ARHGAP17: variants seen among roughly 807,000 people sequenced by gnomAD.
ARHGAP17 encodes the protein rho GTPase-activating protein 17.
In ARHGAP17, 57 loss-of-function variants were observed where a neutral mutation model predicts 99.5. The observed-to-expected ratio is 0.57, with a 90% confidence interval of 0.46 to 0.71. The LOEUF (loss-of-function observed/expected upper bound fraction) is 0.71, where lower values mean the gene tolerates loss of function less well. ARHGAP17 is among the 30% of genes least tolerant of loss of function. ARHGAP17 has a pLI of 0.00. For synonymous variants in ARHGAP17, 417 were observed against 429.6 expected (o/e 0.97, Z 0.36); for missense variants, 1,000 against 1,122.4 (o/e 0.89, Z 1.56).
chr16:24,975,009 C>G (rs2052473217), intron 3 of ARHGAP17, among the ~76,000 whole-genome samples: 1 of 152,124 alleles, frequency 6.6e-6, no homozygotes, highest in South Asian at 2.1e-4. Context: ...AAACAATTAG[C>G]CAGGCTTGGT....
intron 6 of ARHGAP17, among the ~76,000 whole-genome samples, chr16:24,965,841 G>A (rs13330152): frequency 0.032 from 4,913 of 152,312 alleles, 277 homozygotes; most frequent in African/African-American, 0.11. Flanking sequence ...GTGTGCATGT[G>A]CACAGCATAT....
chr16:24,979,704 T>TTTATTATTATTA (rs532237734), intron 1 of ARHGAP17, among the ~76,000 whole-genome samples: 2,845 of 150,574 alleles, frequency 0.019, 73 homozygotes, highest in African/African-American at 0.061. Flanking sequence ...TAATTTTTAT[T>TTTATTATTATTA]TTATTATTAT....
At chr16:24,978,207 T>C (rs2052574283) in intron 2 of ARHGAP17, among the ~76,000 whole-genome samples, 1 of 152,190 alleles carries the variant, frequency 6.6e-6, no homozygotes. Context: ...AATTCCATGA[T>C]TTAATTTTGA....
chr16:25,003,899 A>C (rs1359607996), intron 1 of ARHGAP17, among the ~76,000 whole-genome samples: 3 of 152,226 alleles, frequency 2.0e-5, no homozygotes, highest in Non-Finnish European at 4.4e-5. Context: ...GTGAATTTAA[A>C]TACTACAAAT....
In ARHGAP17 at chr16:24,954,712, G is replaced by C; in HGVS notation, c.743C>G (p.Pro248Arg). 2 of 1,613,780 alleles carry C rather than the reference G, an allele frequency of 1.2e-6. No individual in the cohort carries two copies. The highest frequency in any genetic ancestry group is 1.7e-6 in the Non-Finnish European group (2 of 1,179,840). The change falls in exon 10 of 20, where the codon CCA becomes CGA. Residue 248 changes from proline to arginine, a missense_variant. Around this residue, in one of 2 missense-constraint regions of ARHGAP17, gnomAD observed 472 missense variants for 611.1 expected, o/e 0.77. Coordinates refer to ENST00000289968, the MANE Select transcript of ARHGAP17 (RefSeq NM_001006634.3). Reference protein sequence around the residue: ...RAHQDKWAEKPAFGTPLEEHL... With the variant: ...RAHQDKWAEKRAFGTPLEEHL... ...TTCTTCTAGGGGAGTCCCAAAGGCTGGTTTTTCCGCCCACTTATCTAGAGC... is the reference window on the plus strand; with the variant it reads ...TTCTTCTAGGGGAGTCCCAAAGGCTCGTTTTTCCGCCCACTTATCTAGAGC...
chr16:24,984,619 G>A lies in ARHGAP17; in HGVS notation c.54-5614C>T, dbSNP rs376613690. On this transcript the variant is annotated intron_variant, in intron 1 of 19. Transcript: ENST00000289968. Reference sequence around the variant, plus strand: ...TGCAGTGAGCTGAGATTGAAATTGCGCCACTGCACTCCAGCCTGGGCGACA... The same window carrying A: ...TGCAGTGAGCTGAGATTGAAATTGCACCACTGCACTCCAGCCTGGGCGACA... Among the ~76,000 whole-genome samples the A allele has an allele frequency of 5.3e-5, 8 of 151,546 alleles. No individual in the cohort carries two copies. The East Asian group carries it at 9.7e-4, about 18-fold the overall frequency.
chr16:24,949,575 C>A, intron 12 of ARHGAP17, 91 bp from the exon 13 acceptor site: 1 of 1,078,580 alleles, frequency 9.3e-7, no homozygotes, highest in South Asian at 1.4e-5. Context: ...TCCATTTTGA[C>A]AGAGAAAGCA....
intron 19 of ARHGAP17, chr16:24,929,521 G>T: frequency 2.2e-6 from 2 of 903,936 alleles, no homozygotes; most frequent in Non-Finnish European, 2.6e-6. Flanking sequence ...CTGAGCACAT[G>T]GTCAAAAGCA....
intron 1 of ARHGAP17, 60 bp downstream of exon 1, chr16:25,015,149 G>GCCCTCCGCCCTCCGCCCCCCCGCCCTC (rs59635843): frequency 9.7e-6 from 8 of 824,172 alleles, no homozygotes; most frequent in East Asian, 3.7e-5. Flanking sequence ...TCCCGCCCCC[G>GCCCTCCGCCCTCCGCCCCCCCGCCCTC]CGCCCTCCGC....
At chr16:24,980,289 C>A (rs976820237) in intron 1 of ARHGAP17, among the ~76,000 whole-genome samples, 2 of 152,204 alleles carry the variant, frequency 1.3e-5, no homozygotes, top group Non-Finnish European at 2.9e-5. Flanking sequence ...GGCACGTTAG[C>A]CAGAACAGGG....
chr16:24,952,169 A>G (rs2051665180), intron 12 of ARHGAP17, 120 bp downstream of exon 12: 1 of 662,232 alleles, frequency 1.5e-6, no homozygotes, highest in African/African-American at 1.9e-5. Context: ...TGAGACATGT[A>G]TTATTTAACA....
intron 12 of ARHGAP17, among the ~76,000 whole-genome samples, chr16:24,951,681 T>G (rs1285679578): frequency 6.6e-6 from 1 of 152,168 alleles, no homozygotes; most frequent in African/African-American, 2.4e-5. Context: ...GATTGTCTCC[T>G]CCTTACAATT....
In ARHGAP17 at chr16:24,920,106, T is replaced by C. The variant is rs1477051636; in HGVS notation, c.*24A>G. ...GCTCCACTCGCCAGGGTGGAAGTGG[T>C]GGAGGGCTGGGAAAGGGCTTTCTTC... On this transcript the variant is annotated 3_prime_UTR_variant, in exon 20 of 20. Transcript: ENST00000289968. 6.2e-7 allele frequency: 1 copy of C among 1,607,432 alleles called. No homozygotes were observed. Among genetic ancestry groups the C allele is most frequent in the Admixed American group, 1.7e-5 (1 of 59,846 alleles).
chr16:24,985,341 C>T (rs1048590385), intron 1 of ARHGAP17, among the ~76,000 whole-genome samples: 3 of 152,224 alleles, frequency 2.0e-5, no homozygotes, highest in Non-Finnish European at 4.4e-5. Context: ...TTGAGTTCAG[C>T]ACTTCCAACC....
At chr16:24,976,306 T>G (rs117000513) in intron 3 of ARHGAP17, among the ~76,000 whole-genome samples, 1 of 152,172 alleles carries the variant, frequency 6.6e-6, no homozygotes, top group Non-Finnish European at 1.5e-5. Flanking sequence ...GTGGGAGGAC[T>G]GCTTGAGGCC....
chr16:24,959,415 T>C (rs766286734), intron 9 of ARHGAP17, among the ~76,000 whole-genome samples: 3 of 152,160 alleles, frequency 2.0e-5, no homozygotes, highest in African/African-American at 2.4e-5. Context: ...ACACAGGTAC[T>C]CCCCAAAGAG....
rs371746300 is a variant in ARHGAP17 at position 24,935,394 on chromosome 16, C to A, written c.1894+76G>T. 5.5e-6 allele frequency: 8 copies of A among 1,449,628 alleles called. No homozygotes were observed. In the African/African-American group the frequency reaches 5.7e-5, roughly 10 times the overall value. 89.8% of individuals were successfully genotyped at this position (1,449,628 alleles called of 1,614,324 possible). On this transcript the variant is annotated intron_variant, in intron 18 of 19. Coordinates refer to ENST00000289968, the MANE Select transcript of ARHGAP17 (RefSeq NM_001006634.3). Reference sequence around the variant, plus strand: ...AGAAAAGATCTGGCCACAAACCTCACCATCTGAATCCTTGCACTAACTTAA... The same window carrying A: ...AGAAAAGATCTGGCCACAAACCTCAACATCTGAATCCTTGCACTAACTTAA...
At chr16:24,932,808 T>A (rs1470682306) in intron 18 of ARHGAP17, among the ~76,000 whole-genome samples, 2 of 150,890 alleles carry the variant, frequency 1.3e-5, no homozygotes, top group African/African-American at 4.9e-5. Flanking sequence ...CTGGGAGGGG[T>A]AGGGGGAAAG....
At chr16:24,976,136 C>T (rs928332678) in intron 3 of ARHGAP17, among the ~76,000 whole-genome samples, 5 of 152,144 alleles carry the variant, frequency 3.3e-5, no homozygotes, top group African/African-American at 1.2e-4. Flanking sequence ...CAGAAACAGT[C>T]AAAAACGGGG....
Sources: allele counts gnomAD v4.1 joint callset (sites outside exome capture counted in the v4.1 genomes callset), GRCh38; gene constraint gnomAD v4.1.1; regional missense constraint gnomAD v4.1.1; transcripts MANE v1.5; gene names NCBI Gene and HGNC (gene_info 2026-07-23, HGNC 2026-07-21).